ACBD6: variants seen among roughly 807,000 people sequenced by gnomAD.
The protein encoded by ACBD6 is acyl-CoA-binding domain-containing protein 6.
In ACBD6, 28 loss-of-function variants were observed where a neutral mutation model predicts 37.2. The ratio of observed to expected loss-of-function variants is 0.75; its 90% CI spans 0.56 to 1.03. ACBD6 has a LOEUF of 1.03. Ranked by LOEUF, ACBD6 falls within the 50% of genes least tolerant of loss-of-function variation. The pLI is 0.00. For synonymous variants in ACBD6, 113 were observed against 126.8 expected (o/e 0.89, Z 0.73); for missense variants, 340 against 337.4 (o/e 1.01, Z -0.06).
At chr1:180,386,566 A>C (rs566129566) in intron 6 of ACBD6, among the ~76,000 whole-genome samples, 5 of 152,114 alleles carry the variant, frequency 3.3e-5, no homozygotes, top group Non-Finnish European at 7.4e-5. Flanking sequence ...AAAAAAAGTT[A>C]GATCTTTTAC....
intron 7 of ACBD6, among the ~76,000 whole-genome samples, chr1:180,310,623 T>C (rs2149289088): frequency 6.6e-6 from 1 of 152,302 alleles, no homozygotes; most frequent in Non-Finnish European, 1.5e-5. Flanking sequence ...CTTCAATAAA[T>C]GTTCTAAATC....
chr1:180,384,795 T>C (rs536387321), intron 6 of ACBD6, among the ~76,000 whole-genome samples: 2 of 152,292 alleles, frequency 1.3e-5, no homozygotes, highest in African/African-American at 2.4e-5. Context: ...GTGGTATGCA[T>C]ACACAATGGA....
intron 3 of ACBD6, among the ~76,000 whole-genome samples, chr1:180,430,999 T>C (rs138818305): frequency 6.6e-6 from 1 of 152,256 alleles, no homozygotes; most frequent in East Asian, 1.9e-4. Flanking sequence ...CAGGACACCC[T>C]GCAAAAGTCA....
At chr1:180,421,863 T>C (rs977542356) in intron 4 of ACBD6, among the ~76,000 whole-genome samples, 1 of 152,110 alleles carries the variant, frequency 6.6e-6, no homozygotes, top group Non-Finnish European at 1.5e-5. Context: ...TAATGTTTTT[T>C]TTTCTTGTAA....
intron 10 of ACBD6, chr1:180,274,498 C>T (rs779569182): frequency 6.2e-7 from 1 of 1,613,552 alleles, no homozygotes. Context: ...CTGACATCTC[C>T]ACAGGAAGCA....
chr1:180,339,489 T>G (rs1056220285), intron 6 of ACBD6, among the ~76,000 whole-genome samples: 7 of 151,604 alleles, frequency 4.6e-5, no homozygotes, highest in African/African-American at 1.7e-4. Context: ...AATGAGAATA[T>G]TTGGACACAG....
At chr1:180,316,331 A>T (rs61811588) in intron 6 of ACBD6, among the ~76,000 whole-genome samples, 1 of 146,100 alleles carries the variant, frequency 6.8e-6, no homozygotes, top group African/African-American at 2.6e-5. Context: ...TGTGTGCGTG[A>T]GTGCGCACAC....
chr1:180,298,093 T>C (rs1289921985), intron 7 of ACBD6, among the ~76,000 whole-genome samples: 1 of 152,224 alleles, frequency 6.6e-6, no homozygotes, highest in Non-Finnish European at 1.5e-5. Context: ...TGAAGGGTTT[T>C]ATCATGAATC....
At chr1:180,480,531 G>A (rs560722526) in intron 3 of ACBD6, among the ~76,000 whole-genome samples, 1 of 152,104 alleles carries the variant, frequency 6.6e-6, no homozygotes, top group African/African-American at 2.4e-5. Flanking sequence ...AGGGTAAGGG[G>A]GTAGACAGTT....
At chr1:180,355,175 A>G (rs1652575476) in intron 6 of ACBD6, among the ~76,000 whole-genome samples, 1 of 152,226 alleles carries the variant, frequency 6.6e-6, no homozygotes, top group Non-Finnish European at 1.5e-5. Context: ...GTACTAAGTT[A>G]TCTCATTTCA....
intron 6 of ACBD6, among the ~76,000 whole-genome samples, chr1:180,358,035 A>G (rs1652693952): frequency 6.6e-6 from 1 of 152,262 alleles, no homozygotes; most frequent in South Asian, 2.1e-4. Context: ...TATGGTAGCC[A>G]TTAAAAAGAA....
intron 7 of ACBD6, among the ~76,000 whole-genome samples, chr1:180,312,058 T>C (rs1297944181): frequency 1.1e-4 from 16 of 152,224 alleles, no homozygotes; most frequent in African/African-American, 3.9e-4. Context: ...GCCTTAGATA[T>C]TCCTGGCTCC....
At chr1:180,316,162 T>C (rs1029049896) in intron 6 of ACBD6, among the ~76,000 whole-genome samples, 2 of 152,104 alleles carry the variant, frequency 1.3e-5, no homozygotes, top group African/African-American at 4.8e-5. Context: ...GAGTGATTCT[T>C]ATGCAGGGCA....
intron 6 of ACBD6, among the ~76,000 whole-genome samples, chr1:180,386,963 G>C (rs1283980765): frequency 6.6e-6 from 1 of 152,132 alleles, no homozygotes; most frequent in Non-Finnish European, 1.5e-5. Flanking sequence ...TTGGTATGAT[G>C]AGTAATTTTC....
At chr1:180,432,386 GA>G (rs1196263855) in intron 3 of ACBD6, among the ~76,000 whole-genome samples, 7 of 152,040 alleles carry the variant, frequency 4.6e-5, no homozygotes, top group African/African-American at 1.7e-4. Flanking sequence ...AATATTCAAA[GA>G]ATTCTTAAAA....
intron 1 of ACBD6, 41 bp downstream of exon 1, chr1:180,502,004 C>T (rs748606390): frequency 1.3e-6 from 2 of 1,592,924 alleles, no homozygotes; most frequent in South Asian, 1.1e-5. Flanking sequence ...AAGAAGGCTC[C>T]GTGTCTTTCT....
At chr1:180,322,737 TTC>T (rs899252571) in intron 6 of ACBD6, among the ~76,000 whole-genome samples, 1 of 151,252 alleles carries the variant, frequency 6.6e-6, no homozygotes, top group African/African-American at 2.4e-5. Context: ...TATTTGGGTC[TTC>T]TCTTTTTTTT....
intron 3 of ACBD6, among the ~76,000 whole-genome samples, chr1:180,481,134 T>C (rs1470891260): frequency 6.6e-6 from 1 of 152,036 alleles, no homozygotes; most frequent in Admixed American, 6.6e-5. Flanking sequence ...CCTCTTTAAA[T>C]AGGGCATGCA....
chr1:180,374,050 G>A (rs1653350104), intron 6 of ACBD6, among the ~76,000 whole-genome samples: 3 of 152,096 alleles, frequency 2.0e-5, no homozygotes, highest in Non-Finnish European at 4.4e-5. Context: ...AGAATTACAA[G>A]TATATTTGGA....
Sources: gnomAD v4.1 joint callset for allele counts (sites outside exome capture counted in the v4.1 genomes callset) on GRCh38, gnomAD v4.1.1 for gene constraint, MANE v1.5 for transcripts, NCBI Gene and HGNC (gene_info 2026-07-23, HGNC 2026-07-21) for gene names.